Variants in MPDZ observed in about 807,000 individuals in gnomAD.
The protein encoded by MPDZ is multiple PDZ domain protein.
MPDZ carries 234 observed loss-of-function variants against 239.1 expected under a neutral mutation model. The ratio of observed to expected loss-of-function variants is 0.98; its 90% CI spans 0.88 to 1.09. The LOEUF (loss-of-function observed/expected upper bound fraction) is 1.09, where lower values mean the gene tolerates loss of function less well. Ranked by LOEUF, MPDZ falls within the 50% of genes least tolerant of loss-of-function variation. The pLI is 0.00. For synonymous variants in MPDZ, 1,048 were observed against 881.3 expected, an observed-to-expected ratio of 1.19 and a Z score of -3.35; for missense variants, 3,175 against 2,510.0, an observed-to-expected ratio of 1.26 and a Z score of -5.66.
intron 35 of MPDZ, among the ~76,000 whole-genome samples, chr9:13,124,886 C>T (rs1182124258): frequency 6.6e-6 from 1 of 152,062 alleles, no homozygotes; most frequent in Non-Finnish European, 1.5e-5. Flanking sequence ...TAGTTAGAGG[C>T]CTGGAATCAA....
intron 3 of MPDZ, among the ~76,000 whole-genome samples, chr9:13,246,227 C>G (rs925040120): frequency 6.6e-5 from 10 of 152,118 alleles, no homozygotes; most frequent in African/African-American, 2.2e-4. Context: ...GCGGATAGAT[C>G]ATTTGAGGTC....
chr9:13,161,585 A>G (rs1950499544), intron 23 of MPDZ, among the ~76,000 whole-genome samples: 1 of 151,990 alleles, frequency 6.6e-6, no homozygotes, highest in Non-Finnish European at 1.5e-5. Flanking sequence ...AAAAAAAAAG[A>G]ATTGTAGAAC....
intron 10 of MPDZ, among the ~76,000 whole-genome samples, chr9:13,212,331 T>C (rs1957716260): frequency 6.6e-6 from 1 of 152,086 alleles, no homozygotes; most frequent in African/African-American, 2.4e-5. Context: ...AATGTCTTAG[T>C]TACCTTCATC....
In MPDZ at chr9:13,223,635, T is replaced by C; in HGVS notation, c.469A>G (p.Ser157Gly). The C allele has an allele frequency of 6.2e-7, 1 of 1,612,526 alleles. No individual in the cohort carries two copies. The highest frequency in any genetic ancestry group is 8.5e-7 in the Non-Finnish European group (1 of 1,179,100). ...GLGFSVVGLR[S>G]ENRGELGIFV... ...ATTCCCAGCTCTCCTCTGTTTTCACTTCTTAGTCCCACAACACTAAACCCA... is the reference window on the plus strand; with the variant it reads ...ATTCCCAGCTCTCCTCTGTTTTCACCTCTTAGTCCCACAACACTAAACCCA... The change falls in exon 5 of 47, where the codon AGT becomes GGT. Residue 157 changes from serine to glycine, a missense_variant. Physicochemically the swap from Ser to Gly is moderately conservative, Grantham distance 56. Coordinates refer to ENST00000319217, the MANE Select transcript of MPDZ (RefSeq NM_001378778.1).
intron 32 of MPDZ, among the ~76,000 whole-genome samples, chr9:13,129,464 A>AAAAT (rs144016881): frequency 0.017 from 2,516 of 150,994 alleles, 29 homozygotes; most frequent in East Asian, 0.024. Flanking sequence ...CTCAGTCTCA[A>AAAAT]AAATAAATAA....
At chr9:13,128,219 C>G (rs1227745353) in intron 32 of MPDZ, among the ~76,000 whole-genome samples, 1 of 152,166 alleles carries the variant, frequency 6.6e-6, no homozygotes, top group African/African-American at 2.4e-5. Context: ...GACTTAGTGA[C>G]TTGATTCTAA....
intron 24 of MPDZ, among the ~76,000 whole-genome samples, chr9:13,152,374 G>A (rs898297881): frequency 7.2e-5 from 11 of 152,190 alleles, no homozygotes; most frequent in Middle Eastern, 3.4e-3. Flanking sequence ...GGTGGGACCC[G>A]GTGGGAGGTA....
intron 32 of MPDZ, among the ~76,000 whole-genome samples, chr9:13,127,255 T>C (rs1945258165): frequency 6.6e-6 from 1 of 152,176 alleles, no homozygotes; most frequent in South Asian, 2.1e-4. Context: ...GCAGACTCTG[T>C]CCTTTTGGGG....
At chr9:13,204,379 GGAGTTT>G (rs1956758984) in intron 12 of MPDZ, among the ~76,000 whole-genome samples, 1 of 152,096 alleles carries the variant, frequency 6.6e-6, no homozygotes. Flanking sequence ...TTTGAGGTCA[GGAGTTT>G]GAGATCAGCC....
At chr9:13,260,420 T>C (rs867554540) in intron 1 of MPDZ, among the ~76,000 whole-genome samples, 6 of 152,264 alleles carry the variant, frequency 3.9e-5, no homozygotes, top group Middle Eastern at 6.8e-3. Context: ...TGGTTACTGA[T>C]GGATGGTAAT....
chr9:13,126,628 A>C, intron 33 of MPDZ, 38 bp from the exon 34 acceptor site: 1 of 1,610,948 alleles, frequency 6.2e-7, no homozygotes, highest in Non-Finnish European at 8.5e-7. Flanking sequence ...TGATATTCCA[A>C]AAGTAATTCC....
intron 12 of MPDZ, among the ~76,000 whole-genome samples, chr9:13,201,539 G>A (rs1020235069): frequency 6.6e-6 from 1 of 151,866 alleles, no homozygotes; most frequent in Non-Finnish European, 1.5e-5. Context: ...TCTCCTTCAG[G>A]AGTCCCTATT....
At chr9:13,133,480 G>A (rs10809906) in intron 32 of MPDZ, among the ~76,000 whole-genome samples, 27,617 of 151,954 alleles carry the variant, frequency 0.18, 2,852 homozygotes, top group East Asian at 0.46. Flanking sequence ...TATTTCCTCC[G>A]TAGCAGGACC....
At position 13,160,570 on chromosome 9, in the gene MPDZ, A is replaced by G. The variant is rs144590160; in HGVS notation, c.3359+2121T>C. ...ACACAATATTTCAGAGGGACATTGA[A>G]ATAATTGATTTTACCAGTTTGACAG... is the stretch of plus-strand genomic sequence containing the variant. On this transcript the variant is annotated intron_variant, in intron 23 of 46. Coordinates refer to ENST00000319217, the MANE Select transcript of MPDZ (RefSeq NM_001378778.1). Among the ~76,000 whole-genome samples the G allele has an allele frequency of 6.6e-5, 10 of 151,970 alleles. No individual in the cohort carries two copies. The East Asian group carries it at 2.0e-3, about 30-fold the overall frequency.
chr9:13,229,456 TA>T (rs1961696163), intron 3 of MPDZ, among the ~76,000 whole-genome samples: 1 of 149,304 alleles, frequency 6.7e-6, no homozygotes, highest in Admixed American at 6.7e-5. Context: ...CAAAGCACAA[TA>T]AGACCAACAG....
At chr9:13,269,005 G>A (rs1285710738) in intron 1 of MPDZ, among the ~76,000 whole-genome samples, 2 of 152,130 alleles carry the variant, frequency 1.3e-5, no homozygotes, top group Non-Finnish European at 2.9e-5. Context: ...ACAACCAGAT[G>A]TTAGGTTGTT....
intron 24 of MPDZ, among the ~76,000 whole-genome samples, chr9:13,152,702 C>T (rs565610479): frequency 2.6e-5 from 4 of 152,196 alleles, no homozygotes; most frequent in Admixed American, 6.6e-5. Context: ...ACCACATCAT[C>T]TCCTTACTAT....
intron 2 of MPDZ, 97 bp from the exon 3 acceptor site, chr9:13,247,898 A>C: frequency 8.7e-7 from 1 of 1,152,130 alleles, no homozygotes; most frequent in Non-Finnish European, 1.2e-6. Flanking sequence ...AACTATTTCT[A>C]TTGAGTGCAT....
intron 43 of MPDZ, among the ~76,000 whole-genome samples, chr9:13,111,323 T>C (rs1397764372): frequency 6.6e-6 from 1 of 152,224 alleles, no homozygotes; most frequent in African/African-American, 2.4e-5. Context: ...ATGTATACAA[T>C]CAGGTTTTAA....
Sources: gnomAD v4.1 joint callset for allele counts (sites outside exome capture counted in the v4.1 genomes callset) on GRCh38, gnomAD v4.1.1 for gene constraint, MANE v1.5 for transcripts, NCBI Gene and HGNC (gene_info 2026-07-23, HGNC 2026-07-21) for gene names.